Variants in MRTFB observed in about 807,000 individuals in gnomAD.
MRTFB encodes myocardin-related transcription factor B.
In MRTFB, 29 loss-of-function variants were observed where a neutral mutation model predicts 104.2. That is an observed-to-expected ratio of 0.28 (90% CI 0.21 to 0.38). The LOEUF is 0.38. Among genes scored for constraint, MRTFB ranks in the 10% least tolerant of loss-of-function variants. MRTFB has a pLI of 1.00. For missense variants in MRTFB, 1,270 were observed against 1,341.6 expected (o/e 0.95, Z 0.83); for synonymous variants, 535 against 519.5 (o/e 1.03, Z -0.41).
At chr16:14,175,174 G>T (rs1442386610) in intron 3 of MRTFB, among the ~76,000 whole-genome samples, 1 of 151,978 alleles carries the variant, frequency 6.6e-6, no homozygotes, top group Non-Finnish European at 1.5e-5. Context: ...AACTATAATT[G>T]ACATACAATT....
intron 2 of MRTFB, among the ~76,000 whole-genome samples, chr16:14,120,290 T>C (rs554139599): frequency 1.3e-5 from 2 of 152,370 alleles, no homozygotes; most frequent in South Asian, 4.1e-4. Flanking sequence ...AGTTTCACAT[T>C]ATAATCAAGT....
At chr16:13,997,026 A>C in the MRTFB span, among the ~76,000 whole-genome samples, 2 of 152,220 alleles carry the variant, frequency 1.3e-5, no homozygotes, top group African/African-American at 2.4e-5. Flanking sequence ...AGCGTGACAG[A>C]TAAAAAGACA....
chr16:14,245,424 C>A, intron 10 of MRTFB, 104 bp from the exon 11 acceptor site: 1 of 940,128 alleles, frequency 1.1e-6, no homozygotes, highest in Non-Finnish European at 1.6e-6. Flanking sequence ...CAATCCATAA[C>A]CATGGTATTT....
chr16:14,047,620 CTT>C, the MRTFB span, among the ~76,000 whole-genome samples: 1 of 152,196 alleles, frequency 6.6e-6, no homozygotes, highest in African/African-American at 2.4e-5. Context: ...AAAGGCATGT[CTT>C]ACATGGCAGC....
rs1039368532 is a variant in MRTFB, at chr16:14,177,939, C to T, written c.155-32304C>T. Among the ~76,000 whole-genome samples the T allele has an allele frequency of 8.6e-5, 12 of 139,492 alleles. 1 individual carries two copies. The highest frequency in any genetic ancestry group is 1.4e-4 in the African/African-American group (5 of 36,550). The allele number at this position is 139,492 out of a possible 152,430, so 91.5% of individuals were successfully genotyped here. ...GTGTGTGTGTGTGTGTGTGTGTGCA[C>T]GCATTGGTGGGTGTTTAGAGTTAAT... On this transcript the variant is annotated intron_variant, in intron 3 of 16. Transcript: ENST00000571589. This position sits in a 1 kb window ranked among gnomAD's most constrained non-coding sequence, Gnocchi z 4.7.
intron 3 of MRTFB, among the ~76,000 whole-genome samples, chr16:14,196,967 T>TC (rs1488868629): frequency 6.2e-4 from 83 of 132,978 alleles, no homozygotes; most frequent in Middle Eastern, 3.7e-3. Flanking sequence ...CTTTTTTCTT[T>TC]TTTTTTTTTT....
chr16:14,017,711 A>ATTTTTTTTT, the MRTFB span, among the ~76,000 whole-genome samples: 1 of 33,612 alleles, frequency 3.0e-5, no homozygotes, highest in Non-Finnish European at 5.0e-5. Flanking sequence ...ATATATATAT[A>ATTTTTTTTT]TTTTTTTTTT....
chr16:14,066,224 C>T, the MRTFB span, among the ~76,000 whole-genome samples: 2 of 150,768 alleles, frequency 1.3e-5, no homozygotes, highest in Non-Finnish European at 3.0e-5. Context: ...GGAAACCATA[C>T]CTTATTTTTT....
At chr16:14,195,706 T>G (rs2040402922) in intron 3 of MRTFB, 1 of 330,862 alleles carries the variant, frequency 3.0e-6, no homozygotes, top group African/African-American at 2.2e-5. Context: ...ACAATGTACA[T>G]TTTTCCATTA....
chr16:14,064,969 G>A, the MRTFB span, among the ~76,000 whole-genome samples: 1 of 152,138 alleles, frequency 6.6e-6, no homozygotes, highest in South Asian at 2.1e-4. Flanking sequence ...GTGAATTTTA[G>A]AATAGTTTTT....
At chr16:14,159,418 C>A (rs1455089325) in intron 3 of MRTFB, among the ~76,000 whole-genome samples, 1 of 152,098 alleles carries the variant, frequency 6.6e-6, no homozygotes, top group Non-Finnish European at 1.5e-5. Context: ...CAAACATTTT[C>A]ACATTGGCCA....
chr16:14,074,770 A>G (rs1195345613), intron 1 of MRTFB, among the ~76,000 whole-genome samples: 1 of 152,174 alleles, frequency 6.6e-6, no homozygotes, highest in East Asian at 1.9e-4. Flanking sequence ...GATACACAAT[A>G]TTTCTGGACC....
intron 10 of MRTFB, among the ~76,000 whole-genome samples, chr16:14,243,864 G>GTTTTTTTGTTTTTTTTTTTTTTTTTTT (rs2042890766): frequency 8.0e-6 from 1 of 124,676 alleles, no homozygotes; most frequent in East Asian, 2.5e-4. Context: ...CCTGTTTTGG[G>GTTTTTTTGTTTTTTTTTTTTTTTTTTT]TTTTTTTTTT....
intron 2 of MRTFB, among the ~76,000 whole-genome samples, chr16:14,129,673 C>T (rs1229925536): frequency 6.6e-6 from 1 of 152,156 alleles, no homozygotes; most frequent in Non-Finnish European, 1.5e-5. Flanking sequence ...TGCTAGGGTT[C>T]CTATTTCTCC....
At chr16:14,093,147 A>G (rs987674005) in intron 2 of MRTFB, among the ~76,000 whole-genome samples, 2 of 152,036 alleles carry the variant, frequency 1.3e-5, no homozygotes, top group African/African-American at 4.8e-5. Context: ...AAACCAAACC[A>G]TTGGTAGCTT....
At chr16:14,245,406 C>T in intron 10 of MRTFB, 122 bp from the exon 11 acceptor site, 1 of 783,074 alleles carries the variant, frequency 1.3e-6, no homozygotes, top group Non-Finnish European at 1.9e-6. Context: ...TTACAATATT[C>T]AGCCTTCCAA....
intron 3 of MRTFB, among the ~76,000 whole-genome samples, chr16:14,168,670 T>C (rs1326839510): frequency 6.6e-6 from 1 of 152,248 alleles, no homozygotes. Context: ...AATCTGAGGC[T>C]AGTATTAATA....
chr16:14,228,777 A>G (rs995862841), intron 8 of MRTFB, among the ~76,000 whole-genome samples: 1 of 131,098 alleles, frequency 7.6e-6, no homozygotes, highest in African/African-American at 2.8e-5. Flanking sequence ...TCCGTCATTG[A>G]TGAAACTCTA....
the MRTFB span, among the ~76,000 whole-genome samples, chr16:14,035,183 G>A: frequency 6.6e-6 from 1 of 152,178 alleles, no homozygotes; most frequent in Non-Finnish European, 1.5e-5. Flanking sequence ...ACCAATGCAA[G>A]GAGACTGCAT....
Sources: allele counts gnomAD v4.1 joint callset (sites outside exome capture counted in the v4.1 genomes callset), GRCh38; gene constraint gnomAD v4.1.1; non-coding constraint Gnocchi (gnomAD v3.1); transcripts MANE v1.5; gene names NCBI Gene and HGNC (gene_info 2026-07-23, HGNC 2026-07-21).